MACO1: variants seen among roughly 807,000 people sequenced by gnomAD.
The protein encoded by MACO1 is macoilin.
MACO1 carries 14 observed loss-of-function variants against 78.7 expected under a neutral mutation model. The observed-to-expected ratio is 0.18, with a 90% CI of 0.12 to 0.28. MACO1 has a LOEUF of 0.28. MACO1 is among the 10% of genes least tolerant of loss of function. MACO1 has a pLI of 1.00. For synonymous variants in MACO1, 288 were observed against 291.6 expected (o/e 0.99, Z 0.12); for missense variants, 501 against 799.0 (o/e 0.63, Z 4.50).
At chr1:25,490,389 G>A (rs2043474222) in intron 9 of MACO1, among the ~76,000 whole-genome samples, 1 of 152,138 alleles carries the variant, frequency 6.6e-6, no homozygotes, top group Non-Finnish European at 1.5e-5. Context: ...TCAAAGACAT[G>A]CAGATTAAAA....
chr1:25,438,239 A>G (rs1296640966), intron 1 of MACO1, among the ~76,000 whole-genome samples: 2 of 152,196 alleles, frequency 1.3e-5, no homozygotes, highest in African/African-American at 4.8e-5. Flanking sequence ...GGAGAGAGAA[A>G]ACAACTCACA....
rs1249063940 is a variant in MACO1, at chr1:25,485,817, G to A, written c.1496+22G>A. 6.3e-7 allele frequency: 1 copy of A among 1,591,214 alleles called. No individual in the cohort carries two copies. On this transcript the variant is annotated intron_variant, in intron 8 of 10. Transcript: ENST00000374343. The surrounding 1 kb of genome is among the most constrained non-coding windows in gnomAD (Gnocchi z 4.3). ...CTAGGTATGTCCATGTCACCTGAGT[G>A]TTTAATCCAAGGTTGGCTTTCCTTT...
At chr1:25,457,537 A>G (rs1320907573) in intron 5 of MACO1, among the ~76,000 whole-genome samples, 1 of 152,230 alleles carries the variant, frequency 6.6e-6, no homozygotes, top group Non-Finnish European at 1.5e-5. Flanking sequence ...GTAGAATTGA[A>G]CTTCAGAAGC....
At position 25,456,649 on chromosome 1, in the gene MACO1, C is replaced by G. The variant is rs1258136432; in HGVS notation, c.474-4C>G. On this transcript the variant is annotated splice_region_variant and splice_polypyrimidine_tract_variant and intron_variant, in intron 4 of 10. Transcript: ENST00000374343. ...AATTACTGGCTGGATTGTCTTCTTT[C>G]TAGTATTGGGTACCCTGTGGTAACT... 1 of 1,610,488 alleles carries G rather than the reference C, an allele frequency of 6.2e-7. No individual in the cohort carries two copies. Among genetic ancestry groups the G allele is most frequent in the South Asian group, 1.1e-5 (1 of 90,366 alleles).
intron 6 of MACO1, among the ~76,000 whole-genome samples, chr1:25,465,682 TTGTG>T (rs2043213066): frequency 6.6e-6 from 1 of 152,248 alleles, no homozygotes. Flanking sequence ...CATGCATAGA[TTGTG>T]TATTGGTCAA....
chr1:25,493,982 C>T (rs893228387), intron 10 of MACO1, among the ~76,000 whole-genome samples: 6 of 152,096 alleles, frequency 3.9e-5, no homozygotes, highest in Non-Finnish European at 8.8e-5. Flanking sequence ...CCACCCGCCT[C>T]GGCCTCCCAA....
At chr1:25,476,588 AG>A (rs2043323356) in intron 6 of MACO1, among the ~76,000 whole-genome samples, 2 of 152,162 alleles carry the variant, frequency 1.3e-5, no homozygotes, top group Non-Finnish European at 1.5e-5. Context: ...GGAGAGAGGG[AG>A]GAGTTGGTAT....
intron 10 of MACO1, among the ~76,000 whole-genome samples, chr1:25,494,421 A>G (rs953509437): frequency 1.8e-4 from 28 of 152,160 alleles, no homozygotes; most frequent in Admixed American, 1.8e-3. Context: ...TGTTCAGGTG[A>G]GCAGTCCGGC....
At chr1:25,464,675 G>A (rs1280940125) in intron 6 of MACO1, among the ~76,000 whole-genome samples, 1 of 87,140 alleles carries the variant, frequency 1.1e-5, no homozygotes, top group Non-Finnish European at 2.3e-5. Context: ...CCCCCTCCGC[G>A]AAATGGAATC....
At chr1:25,495,468 T>G (rs2043526742) in intron 10 of MACO1, among the ~76,000 whole-genome samples, 1 of 152,246 alleles carries the variant, frequency 6.6e-6, no homozygotes. Context: ...GGATATTTGA[T>G]GCTTCCTTGA....
rs2043548621 is a variant in MACO1, at chr1:25,497,543, A to G, written c.1793-721A>G. 3.3e-5 allele frequency among the ~76,000 whole-genome samples: 5 copies of G among 152,322 alleles called. No homozygotes were observed. In the South Asian group the frequency reaches 8.3e-4, roughly 25 times the overall value. ...CAGGAAGTGGCCCGAGGTAGGCAGG[A>G]GCTGACTGGATCAAGAAACTGAAGC... On this transcript the variant is annotated intron_variant, in intron 10 of 10. Transcript: ENST00000374343.
chr1:25,431,224 C>G (rs759320004), intron 1 of MACO1, 46 bp downstream of exon 1: 2 of 1,466,792 alleles, frequency 1.4e-6, no homozygotes, highest in Non-Finnish European at 1.8e-6. Context: ...CCTGCGGTCC[C>G]CCTCCAGCTC....
In MACO1 at chr1:25,489,201, C is replaced by A. The variant is rs375816523; in HGVS notation, c.1525C>A (p.Arg509=). ...RGECTETLRN[R]IRELEAEGKK... is the part of the protein sequence containing the mutation. ...AGAATGCACCGAAACCTTACGGAAT[C>A]GGATCAGAGAACTAGAAGCAGAGGG... Residue 509 remains arginine, a synonymous_variant, in exon 9 of 11, where the codon CGG becomes AGG. Transcript: ENST00000374343. 5.6e-6 allele frequency: 9 copies of A among 1,613,874 alleles called. No homozygotes were observed. The highest frequency in any genetic ancestry group is 7.6e-6 in the Non-Finnish European group (9 of 1,179,936).
At position 25,456,812 on chromosome 1, in the gene MACO1, A is replaced by C. The variant is rs202095871; in HGVS notation, c.633A>C (p.Gln211His). ...LPPEQQMLQK[Q>H]EKEAEEAAKG... ...CAGAGCAACAGATGCTACAGAAGCA[A>C]GAAAAAGAGGCCGAGGAAGGTAGGT... The change falls in exon 5 of 11, where the codon CAA becomes CAC. Residue 211 changes from glutamine to histidine, a missense_variant. Around this residue, in one of 5 missense-constraint regions of MACO1, gnomAD observed 171 missense variants for 292.1 expected, o/e 0.59. Transcript: ENST00000374343. 113 of 1,610,262 alleles carry C rather than the reference A, an allele frequency of 7.0e-5. No homozygotes were observed. The Middle Eastern group carries it at 1.2e-3, about 16-fold the overall frequency.
rs2042968913 is a variant in MACO1, at chr1:25,441,193, A to AC, written c.81-5568dup. Among the ~76,000 whole-genome samples the AC allele has an allele frequency of 3.3e-5, 5 of 151,114 alleles. No individual in the cohort carries two copies. The South Asian group carries it at 1.0e-3, about 31-fold the overall frequency. ...TTCTACATTACAGATCATTCATTCA[A>AC]CATTTTTTTTTTTTGAGACGGAGTT... On this transcript the variant is annotated intron_variant, in intron 1 of 10. Transcript: ENST00000374343.
At chr1:25,480,929 A>AAATAT (rs1553166539) in intron 6 of MACO1, among the ~76,000 whole-genome samples, 2 of 47,934 alleles carry the variant, frequency 4.2e-5, no homozygotes, top group African/African-American at 9.7e-5. Context: ...AAAAAAAAAA[A>AAATAT]ATATATATAT....
At chr1:25,443,584 C>T (rs1233567750) in intron 1 of MACO1, among the ~76,000 whole-genome samples, 1 of 152,190 alleles carries the variant, frequency 6.6e-6, no homozygotes, top group Non-Finnish European at 1.5e-5. Context: ...TAAAGTTATG[C>T]AATTGAAAAA....
intron 1 of MACO1, among the ~76,000 whole-genome samples, chr1:25,432,562 C>G (rs1248765766): frequency 6.6e-6 from 1 of 152,196 alleles, no homozygotes; most frequent in African/African-American, 2.4e-5. Flanking sequence ...TTAACTTGAA[C>G]TGTGAAAGCA....
At chr1:25,491,649 A>C in intron 10 of MACO1, 65 bp downstream of exon 10, 1 of 1,453,746 alleles carries the variant, frequency 6.9e-7, no homozygotes. Context: ...CACAGGCCAG[A>C]CCTCTCCTGA....
Sources: gnomAD v4.1 joint callset for allele counts (sites outside exome capture counted in the v4.1 genomes callset) on GRCh38, gnomAD v4.1.1 for gene constraint, gnomAD v4.1.1 regional missense constraint, Gnocchi (gnomAD v3.1) non-coding constraint, MANE v1.5 for transcripts, NCBI Gene and HGNC (gene_info 2026-07-23, HGNC 2026-07-21) for gene names.